CR2: variants seen among roughly 807,000 people sequenced by gnomAD.
The protein encoded by CR2 is complement C3d receptor 2, also known as complement receptor type 2.
A neutral mutation model predicts 123.0 loss-of-function variants in CR2; 96 were observed. That is an observed-to-expected ratio of 0.78 (90% CI 0.66 to 0.93). The LOEUF (loss-of-function observed/expected upper bound fraction) is 0.93. Among genes scored for constraint, CR2 ranks in the 40% least tolerant of loss-of-function variants. The pLI is 0.00. For missense variants in CR2, 1,258 were observed against 1,361.0 expected (o/e 0.92, Z 1.19); for synonymous variants, 484 against 469.5 (o/e 1.03, Z -0.40).
chr1:207,482,029 A>G (rs1372859918), intron 18 of CR2, among the ~76,000 whole-genome samples: 1 of 152,070 alleles, frequency 6.6e-6, no homozygotes, highest in Non-Finnish European at 1.5e-5. Context: ...AATCTTCAGT[A>G]ATATTAGGGA....
chr1:207,460,658 G>A (rs527240018), intron 1 of CR2, among the ~76,000 whole-genome samples: 116 of 152,078 alleles, frequency 7.6e-4, no homozygotes, highest in Non-Finnish European at 1.4e-3. Flanking sequence ...ACTTGAGCTC[G>A]TTCTCATACA....
At chr1:207,471,165 C>T in intron 8 of CR2, 78 bp downstream of exon 8, 2 of 1,381,944 alleles carry the variant, frequency 1.4e-6, no homozygotes, top group Non-Finnish European at 2.1e-6. Context: ...GAGTTTGTAT[C>T]AGTACACCCT....
At position 207,473,578 on chromosome 1, in the gene CR2, G is replaced by A. The variant is rs17616; in HGVS notation, c.2012G>A (p.Arg671His). The A allele has an allele frequency of 0.3, 484,830 of 1,611,296 alleles. 76,008 individuals carry two copies. Among genetic ancestry groups the A allele is most frequent in the African/African-American group, 0.38 (28,311 of 74,880 alleles). The part of the protein sequence containing the change: ...CQSPPGLHHG[R>H]HTGGNTVFFV... Reference sequence around the variant, plus strand: ...TCACCTCCTGGGCTCCACCATGGTCGTCATACAGGTGGAAATACGGTCTTC... The same window carrying A: ...TCACCTCCTGGGCTCCACCATGGTCATCATACAGGTGGAAATACGGTCTTC... The change falls in exon 11 of 20, where the codon CGT (arginine) becomes CAT (histidine). Residue 671 changes from arginine to histidine, a missense_variant. Coordinates refer to ENST00000367057, the MANE Select transcript of CR2 (RefSeq NM_001006658.3).
chr1:207,458,504 C>T (rs983777989), intron 1 of CR2, among the ~76,000 whole-genome samples: 1 of 152,146 alleles, frequency 6.6e-6, no homozygotes, highest in Admixed American at 6.5e-5. Context: ...GATCGTGGAC[C>T]ATTCTGCTTT....
At chr1:207,476,515 T>C (rs1402172374) in intron 15 of CR2, 96 bp downstream of exon 15, 2 of 1,050,100 alleles carry the variant, frequency 1.9e-6, no homozygotes, top group East Asian at 2.6e-5. Context: ...GCCAAAGAAA[T>C]GAATTAACTG....
At chr1:207,457,835 T>G (rs1404666680) in intron 1 of CR2, among the ~76,000 whole-genome samples, 1 of 152,134 alleles carries the variant, frequency 6.6e-6, no homozygotes, top group African/African-American at 2.4e-5. Flanking sequence ...GCCCTGAGCC[T>G]CTTCTTTCTT....
chr1:207,460,829 A>G (rs566810958), intron 1 of CR2, among the ~76,000 whole-genome samples: 2 of 152,248 alleles, frequency 1.3e-5, no homozygotes, highest in East Asian at 1.9e-4. Flanking sequence ...AGTTCCCATC[A>G]GAAAGTATTT....
chr1:207,455,743 C>G (rs983109018), intron 1 of CR2, among the ~76,000 whole-genome samples: 2 of 152,198 alleles, frequency 1.3e-5, no homozygotes, highest in Non-Finnish European at 2.9e-5. Flanking sequence ...TGACTTCTCA[C>G]CTATTTCTAA....
intron 18 of CR2, among the ~76,000 whole-genome samples, chr1:207,484,468 A>G (rs1658695528): frequency 6.6e-6 from 1 of 152,236 alleles, no homozygotes; most frequent in Non-Finnish European, 1.5e-5. Flanking sequence ...AATATTTTGA[A>G]AAGCCATCTA....
At chr1:207,468,460 C>T (rs973301074) in intron 2 of CR2, 67 bp from the exon 3 acceptor site, 5 of 1,543,130 alleles carry the variant, frequency 3.2e-6, no homozygotes, top group Non-Finnish European at 3.6e-6. Flanking sequence ...GATTGGACCC[C>T]CTTGATTCTA....
intron 18 of CR2, among the ~76,000 whole-genome samples, chr1:207,481,810 G>A (rs914600857): frequency 1.3e-5 from 2 of 151,872 alleles, no homozygotes; most frequent in Non-Finnish European, 2.9e-5. Context: ...TGTCTTATAA[G>A]TAATTGCAAA....
chr1:207,467,895 T>C (rs966156204), intron 2 of CR2, among the ~76,000 whole-genome samples: 1 of 152,236 alleles, frequency 6.6e-6, no homozygotes, highest in African/African-American at 2.4e-5. Context: ...ATATGTATCA[T>C]GCATAGGATC....
chr1:207,476,831 C>A (rs1658455091), intron 15 of CR2, among the ~76,000 whole-genome samples: 1 of 152,184 alleles, frequency 6.6e-6, no homozygotes, highest in Non-Finnish European at 1.5e-5. Flanking sequence ...TTCAGAAAGT[C>A]ATTTTCATTG....
At chr1:207,482,661 A>G (rs1256570722) in intron 18 of CR2, among the ~76,000 whole-genome samples, 3 of 152,280 alleles carry the variant, frequency 2.0e-5, no homozygotes, top group South Asian at 4.1e-4. Flanking sequence ...TAACGTCGCC[A>G]TGGTGGATTA....
At chr1:207,483,509 A>T (rs1262644798) in intron 18 of CR2, among the ~76,000 whole-genome samples, 1 of 152,178 alleles carries the variant, frequency 6.6e-6, no homozygotes, top group Admixed American at 6.5e-5. Context: ...GACTTCAGAA[A>T]AAAAGGGTGT....
chr1:207,466,388 A>G, intron 1 of CR2, 138 bp from the exon 2 acceptor site: 1 of 973,292 alleles, frequency 1.0e-6, no homozygotes, highest in South Asian at 1.5e-5. Context: ...GGGAGTAAGC[A>G]GGGAATAAAT....
intron 16 of CR2, 88 bp from the exon 17 acceptor site, chr1:207,479,169 T>C (rs1387162634): frequency 9.5e-7 from 1 of 1,053,398 alleles, no homozygotes; most frequent in Non-Finnish European, 1.5e-6. Context: ...AGAGTGTTGA[T>C]TTCTGGGACA....
intron 19 of CR2, among the ~76,000 whole-genome samples, chr1:207,487,541 CA>C (rs1451200164): frequency 1.3e-5 from 2 of 152,162 alleles, no homozygotes; most frequent in Admixed American, 1.3e-4. Context: ...AGAGAAATTG[CA>C]GCTATCAAAT....
chr1:207,478,525 CAAAAAAAA>C lies in CR2; in HGVS notation c.3088+470_3088+477del, dbSNP rs36116544. Among the ~76,000 whole-genome samples the C allele has an allele frequency of 1.2e-4, 7 of 58,738 alleles. No individual in the cohort carries two copies. The East Asian group carries it at 1.8e-3, about 15-fold the overall frequency. 38.5% of individuals were successfully genotyped at this position (58,738 alleles called of 152,430 possible). A position where few individuals can be genotyped will look rare whatever the true frequency, so the allele number is the denominator to read the frequency against. On this transcript the variant is annotated intron_variant, in intron 16 of 19. Coordinates refer to ENST00000367057, the MANE Select transcript of CR2 (RefSeq NM_001006658.3). Reference sequence around the variant, plus strand: ...CCTGGGCAACAGAGTAAGACCCTATCAAAAAAAAAAAAAAAAAAAAAAGAAAGAAAGAA... The same window carrying C: ...CCTGGGCAACAGAGTAAGACCCTATCAAAAAAAAAAAAAAGAAAGAAAGAA...
Sources: allele counts gnomAD v4.1 joint callset (sites outside exome capture counted in the v4.1 genomes callset), GRCh38; gene constraint gnomAD v4.1.1; transcripts MANE v1.5; gene names NCBI Gene and HGNC (gene_info 2026-07-23, HGNC 2026-07-21).